Variants in IMMP2L observed in about 807,000 individuals in gnomAD.
The protein encoded by IMMP2L is inner mitochondrial membrane peptidase subunit 2, also known as mitochondrial inner membrane protease subunit 2.
IMMP2L carries 18 observed loss-of-function variants against 19.3 expected under a neutral mutation model. The ratio of observed to expected loss-of-function variants is 0.93; its 90% CI spans 0.64 to 1.38. The LOEUF is 1.38. Ranked by LOEUF, IMMP2L falls within the 40% of genes most tolerant of loss-of-function variation. The probability of loss-of-function intolerance (pLI) is 0.00; values close to 1 mark genes in which losing one functional copy is unlikely to be tolerated. For synonymous variants in IMMP2L, 76 were observed against 73.0 expected (o/e 1.04, Z -0.21); for missense variants, 233 against 218.2 (o/e 1.07, Z -0.43).
chr7:110,976,675 C>A (rs1820730480), intron 3 of IMMP2L, among the ~76,000 whole-genome samples: 1 of 151,936 alleles, frequency 6.6e-6, no homozygotes, highest in African/African-American at 2.4e-5. Context: ...AGGTTAGGCC[C>A]TGGAAATCTA....
At chr7:111,446,773 C>A (rs1838500039) in intron 3 of IMMP2L, among the ~76,000 whole-genome samples, 1 of 152,166 alleles carries the variant, frequency 6.6e-6, no homozygotes, top group South Asian at 2.1e-4. Context: ...TACGGGAGGA[C>A]ATTCAAAGCA....
At chr7:110,854,948 C>T (rs114530832) in intron 5 of IMMP2L, among the ~76,000 whole-genome samples, 162 of 151,946 alleles carry the variant, frequency 1.1e-3, no homozygotes, top group African/African-American at 3.8e-3. Flanking sequence ...CTTCTAGATC[C>T]GTCTTTCCTT....
intron 3 of IMMP2L, among the ~76,000 whole-genome samples, chr7:111,104,239 G>A (rs1424821573): frequency 1.3e-5 from 2 of 151,554 alleles, no homozygotes; most frequent in East Asian, 3.9e-4. Context: ...GAAACTCCAG[G>A]TAGGGGAGAG....
intron 3 of IMMP2L, among the ~76,000 whole-genome samples, chr7:111,153,385 C>G (rs559442482): frequency 6.6e-6 from 1 of 152,176 alleles, no homozygotes; most frequent in Admixed American, 6.5e-5. Flanking sequence ...AGTAGTTTGT[C>G]TTACAACATA....
chr7:110,906,271 G>A (rs565617000), intron 4 of IMMP2L, among the ~76,000 whole-genome samples: 30 of 152,224 alleles, frequency 2.0e-4, no homozygotes, highest in African/African-American at 7.0e-4. Context: ...ATTTTTTAAT[G>A]CAAACATTTT....
rs541086224 is a variant in IMMP2L at position 110,757,404 on chromosome 7, C to T, written c.409-93683G>A. On this transcript the variant is annotated intron_variant, in intron 5 of 5. Transcript: ENST00000405709. The surrounding 1 kb of genome is among the most constrained non-coding windows in gnomAD (Gnocchi z 4.2). ...TTGACTCTGGTTGTAATTTTAAATACGGTGGGCGAGGGAGGCCTGTATGTG... is the reference window on the plus strand; with the variant it reads ...TTGACTCTGGTTGTAATTTTAAATATGGTGGGCGAGGGAGGCCTGTATGTG... Among the ~76,000 whole-genome samples, 28 of 152,184 alleles carry T rather than the reference C, an allele frequency of 1.8e-4. No homozygotes were observed. Among genetic ancestry groups the T allele is most frequent in the Non-Finnish European group, 3.2e-4 (22 of 68,004 alleles).
chr7:110,786,406 G>T (rs1800080916), intron 5 of IMMP2L, among the ~76,000 whole-genome samples: 1 of 151,964 alleles, frequency 6.6e-6, no homozygotes, highest in Non-Finnish European at 1.5e-5. Flanking sequence ...ACGGAGTAAA[G>T]ATGCTAAAAA....
At chr7:110,929,207 A>C (rs1189803163) in intron 4 of IMMP2L, among the ~76,000 whole-genome samples, 1 of 152,206 alleles carries the variant, frequency 6.6e-6, no homozygotes, top group East Asian at 1.9e-4. Context: ...TAAATGTAGT[A>C]GGACAAAATC....
intron 3 of IMMP2L, among the ~76,000 whole-genome samples, chr7:111,280,075 G>A (rs1365076233): frequency 6.6e-6 from 1 of 152,062 alleles, no homozygotes; most frequent in Non-Finnish European, 1.5e-5. Flanking sequence ...CACCATCAAT[G>A]ACTTCACAGG....
chr7:111,483,043 A>G (rs902012563), intron 3 of IMMP2L, among the ~76,000 whole-genome samples: 5 of 152,198 alleles, frequency 3.3e-5, no homozygotes, highest in Non-Finnish European at 7.4e-5. Flanking sequence ...TGAAATCTGA[A>G]TAAGGTCTAG....
In IMMP2L at chr7:111,498,872, T is replaced by A. The variant is rs1843858511; in HGVS notation, c.136-11531A>T. On this transcript the variant is annotated intron_variant, in intron 2 of 5. Transcript: ENST00000405709. Reference sequence around the variant, plus strand: ...ACCTGGGTACCCTAAATTACATTGATCAAAGCTATAAGAACAAAGGAGCTC... The same window carrying A: ...ACCTGGGTACCCTAAATTACATTGAACAAAGCTATAAGAACAAAGGAGCTC... Among the ~76,000 whole-genome samples, 3 of 152,040 alleles carry A rather than the reference T, an allele frequency of 2.0e-5. No individual in the cohort carries two copies. In the South Asian group the frequency reaches 6.2e-4, roughly 31 times the overall value.
chr7:110,845,986 C>A (rs1191874824), intron 5 of IMMP2L, among the ~76,000 whole-genome samples: 1 of 152,162 alleles, frequency 6.6e-6, no homozygotes, highest in Non-Finnish European at 1.5e-5. Flanking sequence ...TTGTACTTTC[C>A]AGCCTGCACA....
intron 3 of IMMP2L, among the ~76,000 whole-genome samples, chr7:111,014,266 A>C (rs2129564252): frequency 6.6e-6 from 1 of 152,076 alleles, no homozygotes; most frequent in African/African-American, 2.4e-5. Context: ...GAGGCACGAA[A>C]ATTGCTTGAA....
At chr7:111,241,380 A>G (rs1384967150) in intron 3 of IMMP2L, among the ~76,000 whole-genome samples, 7 of 152,006 alleles carry the variant, frequency 4.6e-5, no homozygotes, top group Admixed American at 1.3e-4. Flanking sequence ...TAAAAATTTT[A>G]TTCTTGTACA....
intron 3 of IMMP2L, among the ~76,000 whole-genome samples, chr7:111,384,214 G>GA (rs1831493211): frequency 7.0e-6 from 1 of 142,368 alleles, no homozygotes; most frequent in Admixed American, 6.8e-5. Context: ...AGAGAAGAGA[G>GA]AGGAGAGAGG....
chr7:111,140,570 A>G (rs943383516), intron 3 of IMMP2L, among the ~76,000 whole-genome samples: 10 of 152,234 alleles, frequency 6.6e-5, no homozygotes, highest in African/African-American at 2.4e-4. Context: ...AACGTAAGAC[A>G]TGAGAAAGCT....
chr7:111,255,782 C>T (rs187203934), intron 3 of IMMP2L, among the ~76,000 whole-genome samples: 79 of 152,146 alleles, frequency 5.2e-4, no homozygotes, highest in South Asian at 1.0e-3. Flanking sequence ...TCTTGGAACA[C>T]TCAGAGTACA....
chr7:111,181,630 A>T (rs1807720323), intron 3 of IMMP2L, among the ~76,000 whole-genome samples: 1 of 151,988 alleles, frequency 6.6e-6, no homozygotes, highest in Non-Finnish European at 1.5e-5. Flanking sequence ...AAAATACAAA[A>T]ACTTGAACTT....
At position 111,487,289 on chromosome 7, in the gene IMMP2L, T is replaced by G; in HGVS notation, c.188A>C (p.His63Pro). 1 of 1,611,228 alleles carries G rather than the reference T, an allele frequency of 6.2e-7. No individual in the cohort carries two copies. The highest frequency in any genetic ancestry group is 8.5e-7 in the Non-Finnish European group (1 of 1,177,522). The change falls in exon 3 of 6, where the codon CAC (histidine) becomes CCC (proline). Residue 63 changes from histidine (H) to proline (P), a missense_variant. His to Pro is a moderately conservative substitution (Grantham distance 77). Coordinates refer to ENST00000405709, the MANE Select transcript of IMMP2L (RefSeq NM_032549.4). ...SQSSDVVLLN[H>P]WKVRNFEVHR... ...TACTTCAAAATTCCTCACTTTCCAG[T>G]GGTTCAAAAGCACCACATCAGATGA...
Sources: allele counts gnomAD v4.1 joint callset (sites outside exome capture counted in the v4.1 genomes callset), GRCh38; gene constraint gnomAD v4.1.1; non-coding constraint Gnocchi (gnomAD v3.1); transcripts MANE v1.5; gene names NCBI Gene and HGNC (gene_info 2026-07-23, HGNC 2026-07-21).